Variants in SLC15A1 observed in about 807,000 individuals in gnomAD.
The protein encoded by SLC15A1 is Caco-2 oligopeptide transporter.
Under a neutral mutation model 92.9 loss-of-function variants are expected in SLC15A1, and 83 were observed. The ratio of observed to expected loss-of-function variants is 0.89; its 90% CI spans 0.75 to 1.07. The LOEUF is 1.07. Ranked by LOEUF, SLC15A1 falls within the 50% of genes least tolerant of loss-of-function variation. The pLI is 0.00. For synonymous variants in SLC15A1, 322 were observed against 318.2 expected, an observed-to-expected ratio of 1.01 and a Z score of -0.13; for missense variants, 857 against 880.1, an observed-to-expected ratio of 0.97 and a Z score of 0.33.
chr13:98,686,499 T>C (rs372125605), intron 21 of SLC15A1, among the ~76,000 whole-genome samples: 29 of 152,314 alleles, frequency 1.9e-4, no homozygotes, highest in African/African-American at 7.0e-4. Context: ...ATTCCTGTGT[T>C]TCACGCTCCA....
At chr13:98,708,595 C>T (rs2088134087) in intron 15 of SLC15A1, 91 bp downstream of exon 15, 2 of 1,160,358 alleles carry the variant, frequency 1.7e-6, no homozygotes, top group African/African-American at 1.5e-5. Flanking sequence ...CTTGGCCTCC[C>T]CTAATCCCCT....
At chr13:98,728,977 T>TAAAAAAAAAAAAAAAAAAAAAAAA (rs71218592) in intron 1 of SLC15A1, among the ~76,000 whole-genome samples, 2 of 13,898 alleles carry the variant, frequency 1.4e-4, no homozygotes, top group Non-Finnish European at 2.4e-4. Flanking sequence ...TAAGGCTCTG[T>TAAAAAAAAAAAAAAAAAAAAAAAA]AAAAAAAAAA....
intron 9 of SLC15A1, among the ~76,000 whole-genome samples, chr13:98,713,941 G>GGAGGCT (rs1268588523): frequency 6.6e-6 from 1 of 151,948 alleles, no homozygotes; most frequent in East Asian, 1.9e-4. Flanking sequence ...CTGCTATTTG[G>GGAGGCT]GAGGCTGAGG....
At chr13:98,749,410 G>A (rs1373527489) in intron 1 of SLC15A1, among the ~76,000 whole-genome samples, 1 of 152,174 alleles carries the variant, frequency 6.6e-6, no homozygotes, top group Non-Finnish European at 1.5e-5. Context: ...GCAGGTGCTT[G>A]CTGCATTGAA....
intron 7 of SLC15A1, among the ~76,000 whole-genome samples, chr13:98,720,112 G>A (rs1310339135): frequency 6.6e-6 from 1 of 152,166 alleles, no homozygotes; most frequent in Non-Finnish European, 1.5e-5. Flanking sequence ...TCACAATTCG[G>A]GAGAGAAAGA....
intron 1 of SLC15A1, among the ~76,000 whole-genome samples, chr13:98,745,060 T>A (rs772841235): frequency 3.9e-5 from 6 of 152,236 alleles, no homozygotes; most frequent in Non-Finnish European, 8.8e-5. Flanking sequence ...GGAAACTTTA[T>A]CTGCAGGTCC....
chr13:98,739,347 T>C (rs1379528494), intron 1 of SLC15A1, among the ~76,000 whole-genome samples: 1 of 152,160 alleles, frequency 6.6e-6, no homozygotes, highest in African/African-American at 2.4e-5. Flanking sequence ...GACAAGAAAT[T>C]TGGGGAGGCC....
At chr13:98,694,869 C>G (rs2088008814) in intron 18 of SLC15A1, among the ~76,000 whole-genome samples, 1 of 151,542 alleles carries the variant, frequency 6.6e-6, no homozygotes, top group East Asian at 1.9e-4. Context: ...TACTAAAATA[C>G]AAAAAAAGAT....
At chr13:98,738,420 G>C (rs948868793) in intron 1 of SLC15A1, among the ~76,000 whole-genome samples, 1 of 152,222 alleles carries the variant, frequency 6.6e-6, no homozygotes, top group Non-Finnish European at 1.5e-5. Context: ...CCATCACAGG[G>C]CCCAGAGGCC....
intron 18 of SLC15A1, among the ~76,000 whole-genome samples, chr13:98,693,605 T>C (rs2087999739): frequency 6.6e-6 from 1 of 152,250 alleles, no homozygotes; most frequent in African/African-American, 2.4e-5. Context: ...TCTTTATGTA[T>C]TCTGGATATA....
chr13:98,704,252 A>G (rs1441561897), intron 17 of SLC15A1, 37 bp downstream of exon 17: 2 of 1,528,502 alleles, frequency 1.3e-6, no homozygotes, highest in Non-Finnish European at 1.7e-6. Context: ...AGTATCACAA[A>G]TAGCAAAGAG....
intron 8 of SLC15A1, among the ~76,000 whole-genome samples, chr13:98,718,051 G>C (rs571085827): frequency 7.1e-4 from 108 of 152,064 alleles, no homozygotes; most frequent in African/African-American, 2.6e-3. Context: ...TATGGGGGGC[G>C]GGGGGAGGTG....
In SLC15A1 at chr13:98,686,250, G is replaced by C; in HGVS notation, c.1875C>G (p.Thr625=). ...KSVLQAGWLL[T]VAVGNIIVLI... ...GCACAATGATGTTGCCAACAGCCAC[G>C]GTCAGCAGCCATCCTGCCTGAAGCA... The change falls in exon 22 of 23, where the codon ACC becomes ACG. Residue 625 remains threonine, a synonymous_variant. Transcript: ENST00000376503. 6.2e-7 allele frequency: 1 copy of C among 1,613,544 alleles called. No homozygotes were observed. Among genetic ancestry groups the C allele is most frequent in the Non-Finnish European group, 8.5e-7 (1 of 1,179,818 alleles).
At chr13:98,748,982 G>C (rs1292409657) in intron 1 of SLC15A1, among the ~76,000 whole-genome samples, 6 of 152,224 alleles carry the variant, frequency 3.9e-5, no homozygotes, top group Non-Finnish European at 8.8e-5. Context: ...TTTGAAAAAC[G>C]CTGACTTAGA....
chr13:98,712,485 G>T lies in SLC15A1; in HGVS notation c.810+13C>A. Reference sequence around the variant, plus strand: ...GGGGAATCAGGGTCATTGTAGCAATGACCGTTACTTACATCGTATTTCTCT... The same window carrying T: ...GGGGAATCAGGGTCATTGTAGCAATTACCGTTACTTACATCGTATTTCTCT... On this transcript the variant is annotated intron_variant, in intron 10 of 22. Transcript: ENST00000376503. 2 of 1,593,988 alleles carry T rather than the reference G, an allele frequency of 1.3e-6. No individual in the cohort carries two copies. The highest frequency in any genetic ancestry group is 2.2e-5 in the South Asian group (2 of 89,798).
At chr13:98,687,894 A>G (rs1410701138) in intron 20 of SLC15A1, among the ~76,000 whole-genome samples, 170 bp from the exon 21 acceptor site, 1 of 152,242 alleles carries the variant, frequency 6.6e-6, no homozygotes, top group Non-Finnish European at 1.5e-5. Flanking sequence ...ATGGGATTTG[A>G]AGACACGTTC....
intron 1 of SLC15A1, among the ~76,000 whole-genome samples, chr13:98,743,483 G>A (rs1330540355): frequency 6.6e-6 from 1 of 152,114 alleles, no homozygotes; most frequent in African/African-American, 2.4e-5. Flanking sequence ...TGGGACCCAG[G>A]ATCCAGCCAC....
chr13:98,743,553 A>G (rs1187698946), intron 1 of SLC15A1, among the ~76,000 whole-genome samples: 1 of 152,184 alleles, frequency 6.6e-6, no homozygotes, highest in Non-Finnish European at 1.5e-5. Flanking sequence ...GGGAAAGGTG[A>G]GCCAGACCAC....
At chr13:98,708,880 C>G in intron 14 of SLC15A1, 113 bp from the exon 15 acceptor site, 1 of 611,148 alleles carries the variant, frequency 1.6e-6, no homozygotes, top group South Asian at 2.7e-5. Context: ...AAAACATGGG[C>G]TTGAAAGCAC....
Sources: gnomAD v4.1 joint callset for allele counts (sites outside exome capture counted in the v4.1 genomes callset) on GRCh38, gnomAD v4.1.1 for gene constraint, MANE v1.5 for transcripts, NCBI Gene and HGNC (gene_info 2026-07-23, HGNC 2026-07-21) for gene names.